Variants in EIF2S1 observed in about 807,000 individuals in gnomAD.
The protein encoded by EIF2S1 is eukaryotic translation initiation factor 2 subunit alpha.
Under a neutral mutation model 33.5 loss-of-function variants are expected in EIF2S1, and 5 were observed. That is an observed-to-expected ratio of 0.15 (90% CI 0.08 to 0.31). EIF2S1 has a LOEUF of 0.31. Ranked by LOEUF, EIF2S1 falls within the 10% of genes least tolerant of loss-of-function variation. EIF2S1 has a pLI of 1.00. For synonymous variants in EIF2S1, 99 were observed against 127.5 expected (o/e 0.78, Z 1.51); for missense variants, 191 against 384.6 (o/e 0.50, Z 4.21).
At chr14:67,370,993 C>T (rs77652207) in intron 2 of EIF2S1, among the ~76,000 whole-genome samples, 2,329 of 152,152 alleles carry the variant, frequency 0.015, 26 homozygotes, top group Non-Finnish European at 0.023. Context: ...CATGCCACTA[C>T]ACTCCAGCCT....
intron 2 of EIF2S1, among the ~76,000 whole-genome samples, chr14:67,371,445 C>T (rs1034588376): frequency 2.6e-5 from 4 of 151,736 alleles, no homozygotes; most frequent in African/African-American, 9.7e-5. Flanking sequence ...GTTAAGGAGG[C>T]GGGAACACTT....
At chr14:67,362,179 C>T (rs1275307074) in intron 1 of EIF2S1, among the ~76,000 whole-genome samples, 2 of 151,798 alleles carry the variant, frequency 1.3e-5, no homozygotes, top group Non-Finnish European at 2.9e-5. Flanking sequence ...GCCACCACAC[C>T]CAGCTAATTT....
In EIF2S1 at chr14:67,374,561, T is replaced by C; in HGVS notation, c.321+14T>C. On this transcript the variant is annotated intron_variant, in intron 3 of 7. Coordinates refer to ENST00000256383, the MANE Select transcript of EIF2S1 (RefSeq NM_004094.5). ...AAATCCAAAACTGTAAGTTGATCTTTGAGTCAAATTAGTCCACTATCTGTG... is the reference window on the plus strand; with the variant it reads ...AAATCCAAAACTGTAAGTTGATCTTCGAGTCAAATTAGTCCACTATCTGTG... 2 of 1,556,262 alleles carry C rather than the reference T, an allele frequency of 1.3e-6. No individual in the cohort carries two copies. Among genetic ancestry groups the C allele is most frequent in the Non-Finnish European group, 1.8e-6 (2 of 1,132,998 alleles).
At chr14:67,360,831 G>A (rs1332148793) in intron 1 of EIF2S1, 1 of 152,164 alleles carries the variant, frequency 6.6e-6, no homozygotes. Context: ...GCTTTTTCCA[G>A]GCTTGAGAAT....
rs1244008516 is a variant in EIF2S1, at chr14:67,386,423, G to A, written c.*2983G>A. 6.6e-6 allele frequency: 1 copy of A among 152,188 alleles called. No individual in the cohort carries two copies. The highest frequency in any genetic ancestry group is 2.4e-5 in the African/African-American group (1 of 41,440). The allele number at this position is 152,188 out of a possible 1,614,324, so 9.4% of individuals were successfully genotyped here. ...GTATTTTATCTGTTGATTAAGGGGA[G>A]GTCCAAGCATTTGTACTTGGCAGGA... is the stretch of plus-strand genomic sequence containing the variant. On this transcript the variant is annotated 3_prime_UTR_variant, in exon 8 of 8. Transcript: ENST00000256383.
Position 67,385,764 on chromosome 14 carries a change from C to CT in EIF2S1, c.*2324_*2325insT. Reference sequence around the variant, plus strand: ...CCTCTGCCTCTGTAAGAGTGTGAGCCACCATGCCCCACCCAAACCATTTTT... The same window carrying CT: ...CCTCTGCCTCTGTAAGAGTGTGAGCCTACCATGCCCCACCCAAACCATTTTT... On this transcript the variant is annotated 3_prime_UTR_variant, in exon 8 of 8. Coordinates refer to ENST00000256383, the MANE Select transcript of EIF2S1 (RefSeq NM_004094.5). The CT allele has an allele frequency of 6.6e-6, 1 of 151,328 alleles. No individual in the cohort carries two copies. Among genetic ancestry groups the CT allele is most frequent in the East Asian group, 1.9e-4 (1 of 5,148 alleles). The allele number at this position is 151,328 out of a possible 1,614,324, so 9.4% of individuals were successfully genotyped here. A position where few individuals can be genotyped will look rare whatever the true frequency, so the allele number is the denominator to read the frequency against.
intron 4 of EIF2S1, among the ~76,000 whole-genome samples, chr14:67,378,753 A>C (rs1197612164): frequency 2.6e-5 from 4 of 152,166 alleles, no homozygotes; most frequent in Non-Finnish European, 5.9e-5. Flanking sequence ...TCATTCATGT[A>C]GGGACTGTCC....
At chr14:67,373,842 AGTGTGTGT>A (rs35163593) in intron 2 of EIF2S1, among the ~76,000 whole-genome samples, 1,763 of 145,788 alleles carry the variant, frequency 0.012, 13 homozygotes, top group Non-Finnish European at 0.018. Flanking sequence ...TAATTTGTTC[AGTGTGTGT>A]GTGTGTGTGT....
chr14:67,363,395 G>A (rs1367100827), intron 1 of EIF2S1, among the ~76,000 whole-genome samples: 1 of 151,950 alleles, frequency 6.6e-6, no homozygotes, highest in African/African-American at 2.4e-5. Flanking sequence ...TCAAACAGAT[G>A]AGTACTAATA....
rs55950335 is a variant in EIF2S1 at position 67,383,353 on chromosome 14, G to A, written c.861G>A (p.Ala287=). The change falls in exon 8 of 8, where the codon GCG becomes GCA. Residue 287 remains alanine (A), a synonymous_variant. Transcript: ENST00000256383. ...VVTDTDETEL[A]RQMERLEREN... ...CAGATACAGATGAGACTGAACTTGCGAGGCAGATGGAGAGGCTTGAAAGAG... is the reference window on the plus strand; with the variant it reads ...CAGATACAGATGAGACTGAACTTGCAAGGCAGATGGAGAGGCTTGAAAGAG... 8.1e-6 allele frequency: 13 copies of A among 1,613,686 alleles called. No individual in the cohort carries two copies. The highest frequency in any genetic ancestry group is 6.7e-5 in the African/African-American group (5 of 75,030).
chr14:67,370,156 A>G (rs976350549), intron 2 of EIF2S1, among the ~76,000 whole-genome samples: 1 of 152,268 alleles, frequency 6.6e-6, no homozygotes, highest in African/African-American at 2.4e-5. Flanking sequence ...AATGCCTTTA[A>G]GCAGTTTTCT....
chr14:67,381,488 G>C (rs1387250511), intron 5 of EIF2S1, 105 bp from the exon 6 acceptor site: 1 of 812,336 alleles, frequency 1.2e-6, no homozygotes, highest in Non-Finnish European at 2.0e-6. Flanking sequence ...GTTGGATTCA[G>C]TATAAGTATT....
intron 5 of EIF2S1, 38 bp downstream of exon 5, chr14:67,380,803 A>G: frequency 8.6e-7 from 1 of 1,168,180 alleles, no homozygotes; most frequent in African/African-American, 1.6e-5. Flanking sequence ...AGTATTTTGC[A>G]TGCATCAAAA....
Position 67,385,408 on chromosome 14 carries a change from C to T in EIF2S1, c.*1968C>T, listed in dbSNP as rs1416902457. ...TGAGCTGTGATCACTCCAGTGCACT[C>T]GAGCCTGGGTGACAGGGCAAGACCC... On this transcript the variant is annotated 3_prime_UTR_variant, in exon 8 of 8. Transcript: ENST00000256383. The T allele has an allele frequency of 2.0e-5, 3 of 147,712 alleles. No individual in the cohort carries two copies. The highest frequency in any genetic ancestry group is 4.5e-5 in the Non-Finnish European group (3 of 67,328). 9.2% of individuals were successfully genotyped at this position (147,712 alleles called of 1,614,324 possible). A position where few individuals can be genotyped will look rare whatever the true frequency, so the allele number is the denominator to read the frequency against.
chr14:67,377,371 C>G (rs1282204580), intron 4 of EIF2S1, among the ~76,000 whole-genome samples: 1 of 152,192 alleles, frequency 6.6e-6, no homozygotes, highest in Non-Finnish European at 1.5e-5. Flanking sequence ...TCTCTCTGCT[C>G]CTGGTCAGTT....
intron 1 of EIF2S1, chr14:67,364,520 T>A: frequency 2.6e-6 from 1 of 386,406 alleles, no homozygotes; most frequent in Admixed American, 4.3e-5. Context: ...TTATGATTCC[T>A]CTGAAACTAA....
rs2085761818 is a variant in EIF2S1 at position 67,364,556 on chromosome 14, A to C, written c.-1-211A>C. Reference sequence around the variant, plus strand: ...AGGCAGAGAATCACCCAAGCATTACAAAAATGTTGAGCAAAATAAAAATTA... The same window carrying C: ...AGGCAGAGAATCACCCAAGCATTACCAAAATGTTGAGCAAAATAAAAATTA... On this transcript the variant is annotated intron_variant, in intron 1 of 7. Coordinates refer to ENST00000256383, the MANE Select transcript of EIF2S1 (RefSeq NM_004094.5). 3 of 485,570 alleles carry C rather than the reference A, an allele frequency of 6.2e-6. No homozygotes were observed. The East Asian group carries it at 1.1e-4, about 18-fold the overall frequency. The allele number at this position is 485,570 out of a possible 1,614,324, so 30.1% of individuals were successfully genotyped here.
At chr14:67,374,767 GT>G in intron 3 of EIF2S1, 2 of 358,924 alleles carry the variant, frequency 5.6e-6, no homozygotes, top group East Asian at 4.2e-5. Context: ...AAAATACGGG[GT>G]TTTTTTGTTT....
intron 4 of EIF2S1, among the ~76,000 whole-genome samples, chr14:67,378,777 G>A (rs1022796419): frequency 6.6e-6 from 1 of 152,058 alleles, no homozygotes; most frequent in Non-Finnish European, 1.5e-5. Context: ...TTTAACTAAT[G>A]CTAGTTCTTT....
Sources: gnomAD v4.1 joint callset for allele counts (sites outside exome capture counted in the v4.1 genomes callset) on GRCh38, gnomAD v4.1.1 for gene constraint, MANE v1.5 for transcripts, NCBI Gene and HGNC (gene_info 2026-07-23, HGNC 2026-07-21) for gene names.